Variants in PLCZ1 observed in about 807,000 individuals in gnomAD.
PLCZ1 encodes phospholipase C zeta 1.
Under a neutral mutation model 76.8 loss-of-function variants are expected in PLCZ1, and 64 were observed. That is an observed-to-expected ratio of 0.83 (90% CI 0.68 to 1.03). PLCZ1 has a LOEUF of 1.03. Among genes scored for constraint, PLCZ1 ranks in the 50% least tolerant of loss-of-function variants. The pLI is 0.00. For missense variants in PLCZ1, 751 were observed against 713.7 expected (o/e 1.05, Z -0.60); for synonymous variants, 248 against 230.8 (o/e 1.07, Z -0.68).
intron 13 of PLCZ1, 85 bp downstream of exon 13, chr12:18,688,004 G>A (rs897594973): frequency 3.9e-6 from 6 of 1,542,684 alleles, no homozygotes; most frequent in Non-Finnish European, 5.3e-6. Flanking sequence ...TAATAAATAT[G>A]TACAAAAACT....
At chr12:18,675,888 G>A in the PLCZ1 span, among the ~76,000 whole-genome samples, 4 of 151,968 alleles carry the variant, frequency 2.6e-5, no homozygotes, top group East Asian at 7.8e-4. Context: ...AGGGGGGTGA[G>A]GTTTGAGATT....
chr12:18,716,718 T>A (rs1357583940), intron 5 of PLCZ1, among the ~76,000 whole-genome samples: 1 of 152,236 alleles, frequency 6.6e-6, no homozygotes, highest in Non-Finnish European at 1.5e-5. Context: ...CATCTATTTA[T>A]CTTTAAATTT....
At chr12:18,703,729 T>C (rs542421407) in intron 7 of PLCZ1, among the ~76,000 whole-genome samples, 190 of 152,312 alleles carry the variant, frequency 1.2e-3, no homozygotes, top group Admixed American at 2.2e-3. Context: ...AAAACAATTT[T>C]CACTTTTTCC....
chr12:18,718,940 T>C (rs188358545), intron 5 of PLCZ1, among the ~76,000 whole-genome samples: 1 of 152,326 alleles, frequency 6.6e-6, no homozygotes, highest in East Asian at 1.9e-4. Context: ...TTATTTTTAA[T>C]CTATGTAAAC....
At chr12:18,691,268 A>T (rs11835603) in intron 12 of PLCZ1, among the ~76,000 whole-genome samples, 10,005 of 152,212 alleles carry the variant, frequency 0.066, 368 homozygotes, top group Non-Finnish European at 0.077. Flanking sequence ...ACATTTAAGT[A>T]AGAGCAGAAG....
chr12:18,733,243 T>C (rs1394215689), intron 3 of PLCZ1, among the ~76,000 whole-genome samples: 1 of 152,234 alleles, frequency 6.6e-6, no homozygotes, highest in African/African-American at 2.4e-5. Context: ...TGGCCATTTG[T>C]ATAGCTTCTT....
In PLCZ1 at chr12:18,727,638, C is replaced by T. The variant is rs1958827119; in HGVS notation, c.136-4096G>A. On this transcript the variant is annotated intron_variant, in intron 3 of 14. Transcript: ENST00000266505. Reference sequence around the variant, plus strand: ...GGAGCAGATAAGGCAGGAAGCACAGCTGAATCCCAGGGTTCCTCGGAAGCC... The same window carrying T: ...GGAGCAGATAAGGCAGGAAGCACAGTTGAATCCCAGGGTTCCTCGGAAGCC... 2.0e-5 allele frequency among the ~76,000 whole-genome samples: 3 copies of T among 152,240 alleles called. No individual in the cohort carries two copies. In the South Asian group the frequency reaches 6.2e-4, roughly 32 times the overall value.
At chr12:18,666,821 TCTAAA>T in the PLCZ1 span, among the ~76,000 whole-genome samples, 21 of 152,206 alleles carry the variant, frequency 1.4e-4, no homozygotes, top group Admixed American at 1.4e-3. Context: ...CAGATGATAG[TCTAAA>T]CTGGTTATGT....
chr12:18,680,329 G>A (rs984982739), downstream of PLCZ1, among the ~76,000 whole-genome samples: 2 of 151,968 alleles, frequency 1.3e-5, no homozygotes, highest in Non-Finnish European at 2.9e-5. Flanking sequence ...AACTCCTAGA[G>A]GCTCTGTATA....
In PLCZ1 at chr12:18,699,957, A is replaced by G; in HGVS notation, c.1018-7T>C. The G allele has an allele frequency of 1.9e-6, 3 of 1,605,604 alleles. No individual in the cohort carries two copies. Among genetic ancestry groups the G allele is most frequent in the Non-Finnish European group, 2.6e-6 (3 of 1,175,664 alleles). On this transcript the variant is annotated splice_polypyrimidine_tract_variant and splice_region_variant and intron_variant, in intron 9 of 14. Coordinates refer to ENST00000266505, the MANE Select transcript of PLCZ1 (RefSeq NM_033123.4). ...CAATTTTTAGCTTCCTGGTCTAAAAATAAAATGCAGTAATTTTACATTTTT... is the reference window on the plus strand; with the variant it reads ...CAATTTTTAGCTTCCTGGTCTAAAAGTAAAATGCAGTAATTTTACATTTTT...
intron 6 of PLCZ1, among the ~76,000 whole-genome samples, chr12:18,710,898 G>A (rs1286463482): frequency 6.6e-6 from 1 of 152,228 alleles, no homozygotes; most frequent in East Asian, 1.9e-4. Context: ...GTGCTGGAGA[G>A]GATGTGGAGA....
chr12:18,674,397 A>G, the PLCZ1 span, among the ~76,000 whole-genome samples: 1 of 115,648 alleles, frequency 8.6e-6, no homozygotes, highest in African/African-American at 2.7e-5. Flanking sequence ...GAGATTTATG[A>G]CAGTGGAAGC....
At chr12:18,658,656 G>C in the PLCZ1 span, among the ~76,000 whole-genome samples, 6 of 152,150 alleles carry the variant, frequency 3.9e-5, no homozygotes, top group African/African-American at 1.4e-4. Context: ...TAAAGTACCA[G>C]TTTTACATAT....
the PLCZ1 span, among the ~76,000 whole-genome samples, chr12:18,662,277 A>G: frequency 6.7e-6 from 1 of 149,956 alleles, no homozygotes; most frequent in East Asian, 2.0e-4. Context: ...CAACTTACCT[A>G]TGTAGCAAAC....
At chr12:18,713,773 G>A (rs1470384661) in intron 5 of PLCZ1, 2 of 152,164 alleles carry the variant, frequency 1.3e-5, no homozygotes, top group African/African-American at 4.8e-5. Flanking sequence ...CAAAACTGAG[G>A]AAACTATATT....
intron 10 of PLCZ1, among the ~76,000 whole-genome samples, chr12:18,696,890 T>C (rs1174367588): frequency 6.6e-6 from 1 of 152,162 alleles, no homozygotes; most frequent in African/African-American, 2.4e-5. Context: ...ATTTCAAATG[T>C]CGTTCTTACT....
intron 5 of PLCZ1, among the ~76,000 whole-genome samples, chr12:18,713,509 T>C (rs1008685989): frequency 2.6e-5 from 4 of 152,170 alleles, no homozygotes; most frequent in Non-Finnish European, 5.9e-5. Context: ...AGCATGACAA[T>C]ACTTGCTCTC....
the PLCZ1 span, among the ~76,000 whole-genome samples, chr12:18,661,183 A>G: frequency 6.6e-6 from 1 of 152,164 alleles, no homozygotes; most frequent in African/African-American, 2.4e-5. Flanking sequence ...GCAGACCAAC[A>G]TATCCATTGT....
At chr12:18,683,807 T>A (rs1017963839) in intron 14 of PLCZ1, among the ~76,000 whole-genome samples, 1 of 151,920 alleles carries the variant, frequency 6.6e-6, no homozygotes, top group Non-Finnish European at 1.5e-5. Flanking sequence ...TGCTTCTCCC[T>A]TCTGGTTGCC....
Sources: allele counts gnomAD v4.1 joint callset (sites outside exome capture counted in the v4.1 genomes callset), GRCh38; gene constraint gnomAD v4.1.1; transcripts MANE v1.5; gene names NCBI Gene and HGNC (gene_info 2026-07-23, HGNC 2026-07-21).